The following ENGASE variants were observed in gnomAD, a reference collection of about 807,000 sequenced individuals.
ENGASE encodes the protein endo-beta-N-acetylglucosaminidase.
ENGASE carries 69 observed loss-of-function variants against 78.5 expected under a neutral mutation model. That is an observed-to-expected ratio of 0.88 (90% CI 0.72 to 1.07). The LOEUF (loss-of-function observed/expected upper bound fraction) is 1.07, where lower values mean the gene tolerates loss of function less well. Among genes scored for constraint, ENGASE ranks in the 50% least tolerant of loss-of-function variants. ENGASE has a pLI of 0.00. For missense variants in ENGASE, 943 were observed against 988.4 expected, an observed-to-expected ratio of 0.95 and a Z score of 0.62; for synonymous variants, 408 against 408.9, an observed-to-expected ratio of 1.00 and a Z score of 0.03.
chr17:79,083,544 C>T lies in ENGASE; in HGVS notation c.1205C>T (p.Thr402Met), dbSNP rs763777457. ...AGCATCTGCTCCTTGCCTTTCGTCA[C>T]GTCCTTCTGCCTGGGCATGGGTGCA... Reference protein sequence around the residue: ...THSICSLPFVTSFCLGMGARR... With the variant: ...THSICSLPFVMSFCLGMGARR... The change falls in exon 9 of 14, where the codon ACG becomes ATG. Residue 402 changes from threonine (T) to methionine (M), a missense_variant. Physicochemically the swap from Thr to Met is moderately conservative, Grantham distance 81. Transcript: ENST00000579016. The surrounding 1 kb of genome is among the most constrained non-coding windows in gnomAD (Gnocchi z 4.9). 3.2e-5 allele frequency: 51 copies of T among 1,614,080 alleles called. No homozygotes were observed. In the Admixed American group the frequency reaches 3.8e-4, roughly 12 times the overall value.
intron 10 of ENGASE, 84 bp from the exon 11 acceptor site, chr17:79,084,454 A>G (rs1388805149): frequency 1.5e-5 from 20 of 1,361,678 alleles, no homozygotes; most frequent in Non-Finnish European, 1.1e-5. Flanking sequence ...TCCTGGAGGG[A>G]GGGGCTGGTG....
In ENGASE at chr17:79,083,046, C is replaced by T. The variant is rs746655293; in HGVS notation, c.1065C>T (p.Gly355=). Residue 355 remains glycine (G), a synonymous_variant, in exon 8 of 14, where the codon GGC becomes GGT. Transcript: ENST00000579016. This position sits in a 1 kb window ranked among gnomAD's most constrained non-coding sequence, Gnocchi z 4.9. ...CGTTGGAGCTGATCCGAAAGCATGG[C>T]TTCTCCGTGGCTTTGTTTGCCCCCG... ...DKSLELIRKH[G]FSVALFAPGW... 7 of 1,613,948 alleles carry T rather than the reference C, an allele frequency of 4.3e-6. No individual in the cohort carries two copies. In the Admixed American group the frequency reaches 6.7e-5, roughly 15 times the overall value.
chr17:79,084,343 G>A, intron 10 of ENGASE, 195 bp from the exon 11 acceptor site: 1 of 590,146 alleles, frequency 1.7e-6, no homozygotes, highest in Non-Finnish European at 2.9e-6. Flanking sequence ...TCAGAACTGA[G>A]ATGTTTCAGC....
chr17:79,084,438 C>T (rs183198725), intron 10 of ENGASE, 100 bp from the exon 11 acceptor site: 53 of 1,249,372 alleles, frequency 4.2e-5, no homozygotes, highest in Middle Eastern at 4.2e-4. Context: ...CACCCAGGCC[C>T]CCTGTTCCTG....
chr17:79,078,511 C>A (rs1172936465), intron 3 of ENGASE, among the ~76,000 whole-genome samples: 6 of 152,176 alleles, frequency 3.9e-5, no homozygotes, highest in Non-Finnish European at 8.8e-5. Context: ...AGCCTCACCC[C>A]CTCACGTGGT....
intron 2 of ENGASE, 71 bp from the exon 3 acceptor site, chr17:79,077,592 A>G: frequency 2.5e-6 from 4 of 1,588,202 alleles, no homozygotes; most frequent in Non-Finnish European, 3.4e-6. Context: ...CTTCTCTGTT[A>G]TTGTTAAAAT....
chr17:79,085,831 G>C, intron 13 of ENGASE, 97 bp downstream of exon 13: 1 of 1,593,714 alleles, frequency 6.3e-7, no homozygotes. Flanking sequence ...TGGGTTCAGC[G>C]GGGAACTGGG....
At position 79,075,031 on chromosome 17, in the gene ENGASE, G is replaced by A. The variant is rs1568084322; in HGVS notation, c.87G>A (p.Gly29=). 2 of 1,209,170 alleles carry A rather than the reference G, an allele frequency of 1.7e-6. No individual in the cohort carries two copies. The highest frequency in any genetic ancestry group is 2.1e-6 in the Non-Finnish European group (2 of 970,948). The allele number at this position is 1,209,170 out of a possible 1,614,324, so 74.9% of individuals were successfully genotyped here. The change falls in exon 1 of 14, where the codon GGG becomes GGA. Residue 29 remains glycine (G), a synonymous_variant. Coordinates refer to ENST00000579016, the MANE Select transcript of ENGASE (RefSeq NM_001042573.3). ...QLQGLAAPEA[G]TQEEQEDQEP... is the part of the protein sequence containing the mutation. Reference sequence around the variant, plus strand: ...AGGGGCTGGCGGCCCCGGAGGCGGGGACGCAGGAGGAGCAGGAGGATCAGG... The same window carrying A: ...AGGGGCTGGCGGCCCCGGAGGCGGGAACGCAGGAGGAGCAGGAGGATCAGG...
rs1204941083 is a variant in ENGASE, at chr17:79,086,029, G to A, written c.1912G>A (p.Gly638Arg). ...GCAGCCATCCGCCTCTGAGCGGGAGGGGCCCCCTGCTCTGCTCCAGCTCAG... is the reference window on the plus strand; with the variant it reads ...GCAGCCATCCGCCTCTGAGCGGGAGAGGCCCCCTGCTCTGCTCCAGCTCAG... ...RWQPSASERE[G>R]PPALLQLSCT... The change falls in exon 14 of 14, where the codon GGG becomes AGG. Residue 638 changes from glycine (G) to arginine (R), a missense_variant. Transcript: ENST00000579016. 1 of 1,612,898 alleles carries A rather than the reference G, an allele frequency of 6.2e-7. No homozygotes were observed. Among genetic ancestry groups the A allele is most frequent in the Non-Finnish European group, 8.5e-7 (1 of 1,180,026 alleles).
intron 3 of ENGASE, 26 bp downstream of exon 3, chr17:79,077,890 T>A (rs1339702583): frequency 6.3e-7 from 1 of 1,592,900 alleles, no homozygotes; most frequent in South Asian, 1.1e-5. Context: ...TACATTGATG[T>A]TGCTTACATT....
At position 79,079,503 on chromosome 17, in the gene ENGASE, C is replaced by G; in HGVS notation, c.431C>G (p.Ser144Trp). The G allele has an allele frequency of 6.2e-7, 1 of 1,613,522 alleles. No homozygotes were observed. The highest frequency in any genetic ancestry group is 8.5e-7 in the Non-Finnish European group (1 of 1,179,926). Reference protein sequence around the residue: ...GYLDDRFIQGSVVQTPYAFYH... With the variant: ...GYLDDRFIQGWVVQTPYAFYH... Reference sequence around the variant, plus strand: ...TCTTTCCCCAGGTTCATTCAGGGCTCGGTGGTGCAGACTCCCTATGCTTTC... The same window carrying G: ...TCTTTCCCCAGGTTCATTCAGGGCTGGGTGGTGCAGACTCCCTATGCTTTC... Residue 144 changes from serine (S) to tryptophan (W), a missense_variant, in exon 4 of 14, where the codon TCG becomes TGG. By Grantham distance (177) the Ser-to-Trp change is radical. Transcript: ENST00000579016.
chr17:79,084,585 T>C lies in ENGASE; in HGVS notation c.1490T>C (p.Met497Thr). 6.2e-7 allele frequency: 1 copy of C among 1,605,474 alleles called. No homozygotes were observed. The change falls in exon 11 of 14, where the codon ATG becomes ACG. Residue 497 changes from methionine (M) to threonine (T), a missense_variant. Physicochemically the swap from Met to Thr is moderately conservative, Grantham distance 81. Transcript: ENST00000579016. ...APVPPKIYLS[M>T]VYKLEGPTDV... is the part of the protein sequence containing the mutation. ...GTGCCACCCAAGATTTACCTGTCCA[T>C]GGTGTATAAGCTTGAGGGGCCCACG...
rs769405825 is a variant in ENGASE at position 79,074,971 on chromosome 17, C to A, written c.27C>A (p.Thr9=). The A allele has an allele frequency of 4.0e-6, 5 of 1,247,136 alleles. No individual in the cohort carries two copies. The highest frequency in any genetic ancestry group is 5.0e-6 in the Non-Finnish European group (5 of 996,122). 77.3% of individuals were successfully genotyped at this position (1,247,136 alleles called of 1,614,324 possible). A position where few individuals can be genotyped will look rare whatever the true frequency, so the allele number is the denominator to read the frequency against. ...TGGAGGCCGCGGCGGTGACGGTCAC[C>A]CGGTCGGCTACACGGCGGCGGCGGC... The part of the protein sequence containing the change: MEAAAVTV[T]RSATRRRRRQ... Residue 9 remains threonine, a synonymous_variant, in exon 1 of 14, where the codon ACC becomes ACA. Coordinates refer to ENST00000579016, the MANE Select transcript of ENGASE (RefSeq NM_001042573.3).
At chr17:79,080,657 CT>C (rs1426311644) in intron 5 of ENGASE, among the ~76,000 whole-genome samples, 1 of 152,244 alleles carries the variant, frequency 6.6e-6, no homozygotes, top group Non-Finnish European at 1.5e-5. Context: ...GGGTGTGTGG[CT>C]TCCTTCTCAG....
Position 79,086,690 on chromosome 17 carries a change from G to C in ENGASE, c.*341G>C, listed in dbSNP as rs1041782088. On this transcript the variant is annotated 3_prime_UTR_variant, in exon 14 of 14. Transcript: ENST00000579016. The stretch of plus-strand genomic sequence containing the variant: ...TTCCATAAAGGATATTTCCTAATAG[G>C]CTGCAAGATGCTGATGCCGAGAATG... The C allele has an allele frequency of 7.1e-6, 3 of 423,168 alleles. No individual in the cohort carries two copies. The highest frequency in any genetic ancestry group is 1.3e-5 in the Non-Finnish European group (3 of 223,734). The allele number at this position is 423,168 out of a possible 1,614,324, so 26.2% of individuals were successfully genotyped here.
chr17:79,085,559 A>G, intron 12 of ENGASE, 61 bp from the exon 13 acceptor site: 8 of 1,596,626 alleles, frequency 5.0e-6, no homozygotes, highest in African/African-American at 2.7e-5. Flanking sequence ...GGGCCTCTGG[A>G]CGGCTCACCC....
At chr17:79,079,156 A>C (rs2073049501) in intron 3 of ENGASE, among the ~76,000 whole-genome samples, 1 of 151,194 alleles carries the variant, frequency 6.6e-6, no homozygotes. Flanking sequence ...CTGGGACCTG[A>C]CTCTGTTTCT....
intron 12 of ENGASE, 65 bp downstream of exon 12, chr17:79,085,407 C>A: frequency 7.0e-7 from 1 of 1,426,244 alleles, no homozygotes; most frequent in Non-Finnish European, 9.5e-7. Context: ...AACCCCAGAG[C>A]TGGAGGGATG....
At chr17:79,078,979 C>G (rs190794383) in intron 3 of ENGASE, among the ~76,000 whole-genome samples, 2 of 152,182 alleles carry the variant, frequency 1.3e-5, no homozygotes, top group Non-Finnish European at 2.9e-5. Flanking sequence ...CCTGATGCCC[C>G]GGTCAGAGCA....
Sources: gnomAD v4.1 joint callset for allele counts (sites outside exome capture counted in the v4.1 genomes callset) on GRCh38, gnomAD v4.1.1 for gene constraint, Gnocchi (gnomAD v3.1) non-coding constraint, MANE v1.5 for transcripts, NCBI Gene and HGNC (gene_info 2026-07-23, HGNC 2026-07-21) for gene names.